FSTL4: variants seen among roughly 807,000 people sequenced by gnomAD.
FSTL4 encodes follistatin like 4.
A neutral mutation model predicts 78.2 loss-of-function variants in FSTL4; 28 were observed. The ratio of observed to expected loss-of-function variants is 0.36; its 90% CI spans 0.27 to 0.49. The LOEUF (loss-of-function observed/expected upper bound fraction) is 0.49. Ranked by LOEUF, FSTL4 falls within the 20% of genes least tolerant of loss-of-function variation. FSTL4 has a pLI of 0.98. For synonymous variants in FSTL4, 422 were observed against 440.5 expected, an observed-to-expected ratio of 0.96 and a Z score of 0.53; for missense variants, 922 against 1,084.9, an observed-to-expected ratio of 0.85 and a Z score of 2.11.
the FSTL4 span, among the ~76,000 whole-genome samples, chr5:133,638,817 A>AT: frequency 0.11 from 15,319 of 137,502 alleles, 834 homozygotes; most frequent in Admixed American, 0.17. Context: ...TTTGTAAATT[A>AT]CTTTTTTTTC....
chr5:133,553,180 G>A (rs956059232), intron 3 of FSTL4, among the ~76,000 whole-genome samples: 1 of 152,202 alleles, frequency 6.6e-6, no homozygotes, highest in Non-Finnish European at 1.5e-5. Flanking sequence ...GAGGGAGGAA[G>A]CCTAGGCTTG....
chr5:133,289,119 A>G (rs1189346420), intron 6 of FSTL4, among the ~76,000 whole-genome samples: 1 of 152,192 alleles, frequency 6.6e-6, no homozygotes, highest in Non-Finnish European at 1.5e-5. Flanking sequence ...AACTGGGATA[A>G]CAGTGGGAAC....
At chr5:133,606,920 A>G (rs1000402230) in intron 1 of FSTL4, among the ~76,000 whole-genome samples, 3 of 152,244 alleles carry the variant, frequency 2.0e-5, no homozygotes, top group African/African-American at 7.2e-5. Flanking sequence ...AAATCAGTTC[A>G]TAAGAGGATG....
At chr5:133,401,227 A>G (rs145171850) in intron 3 of FSTL4, among the ~76,000 whole-genome samples, 2,006 of 152,314 alleles carry the variant, frequency 0.013, 25 homozygotes, top group Non-Finnish European at 0.021. Flanking sequence ...CACTCTGAAC[A>G]TCTGAAACAC....
At chr5:133,701,509 A>ACACC in the FSTL4 span, among the ~76,000 whole-genome samples, 994 of 132,606 alleles carry the variant, frequency 7.5e-3, 12 homozygotes, top group African/African-American at 0.023. Context: ...ACACACACAC[A>ACACC]CCCCACAGGC....
chr5:133,700,825 A>G, the FSTL4 span, among the ~76,000 whole-genome samples: 6 of 152,338 alleles, frequency 3.9e-5, no homozygotes, highest in South Asian at 1.2e-3. Flanking sequence ...GAGTCTTTGA[A>G]GGGACCCAGG....
At chr5:133,732,590 G>C in the FSTL4 span, among the ~76,000 whole-genome samples, 51 of 152,204 alleles carry the variant, frequency 3.4e-4, no homozygotes, top group Admixed American at 1.2e-3. Flanking sequence ...CAGTACTGCT[G>C]ACTACCCCTT....
At chr5:133,565,323 A>G (rs1760003502) in intron 3 of FSTL4, among the ~76,000 whole-genome samples, 1 of 152,128 alleles carries the variant, frequency 6.6e-6, no homozygotes, top group African/African-American at 2.4e-5. Flanking sequence ...CAACCCCACA[A>G]CCCAAGTCAG....
At chr5:133,594,225 CTG>C (rs144815563) in intron 2 of FSTL4, among the ~76,000 whole-genome samples, 31,821 of 152,154 alleles carry the variant, frequency 0.21, 3,494 homozygotes, top group East Asian at 0.32. Flanking sequence ...CAGTCTCACT[CTG>C]TTGCCCAGGC....
chr5:133,632,186 A>C, the FSTL4 span, among the ~76,000 whole-genome samples: 1 of 152,194 alleles, frequency 6.6e-6, no homozygotes. Flanking sequence ...AACACTACAC[A>C]GTCTTACTAG....
At chr5:133,573,496 G>GA (rs1760205416) in intron 2 of FSTL4, among the ~76,000 whole-genome samples, 1 of 152,108 alleles carries the variant, frequency 6.6e-6, no homozygotes, top group South Asian at 2.1e-4. Context: ...TTCATAATTA[G>GA]AAAAGGAACA....
chr5:133,375,291 C>CATATATAT (rs3975738), intron 4 of FSTL4, among the ~76,000 whole-genome samples: 1,083 of 57,934 alleles, frequency 0.019, 101 homozygotes, highest in African/African-American at 0.044. Context: ...GTGTGCATGG[C>CATATATAT]ATATATATAT....
chr5:133,708,097 G>A, the FSTL4 span, among the ~76,000 whole-genome samples: 1 of 147,156 alleles, frequency 6.8e-6, no homozygotes, highest in Non-Finnish European at 1.5e-5. Flanking sequence ...GAGGGAAAGG[G>A]GGCAGGAAAG....
chr5:133,713,208 T>C, the FSTL4 span, among the ~76,000 whole-genome samples: 1 of 152,340 alleles, frequency 6.6e-6, no homozygotes, highest in Non-Finnish European at 1.5e-5. Context: ...TATGTTTACT[T>C]TTATATTTTA....
At chr5:133,698,841 C>T in the FSTL4 span, among the ~76,000 whole-genome samples, 47 of 152,356 alleles carry the variant, frequency 3.1e-4, no homozygotes, top group South Asian at 3.7e-3. Flanking sequence ...CTCGGGAGGC[C>T]GGGCAGTGGT....
At chr5:133,647,370 A>G in the FSTL4 span, among the ~76,000 whole-genome samples, 4 of 152,198 alleles carry the variant, frequency 2.6e-5, no homozygotes, top group African/African-American at 9.6e-5. Flanking sequence ...GATTATGAGA[A>G]AGTGGCCCTG....
intron 7 of FSTL4, among the ~76,000 whole-genome samples, chr5:133,239,002 G>A (rs1038762767): frequency 1.3e-5 from 2 of 152,218 alleles, no homozygotes; most frequent in Non-Finnish European, 1.5e-5. Context: ...AGGCGCGGGC[G>A]GGAACCGGGG....
chr5:133,405,116 A>G (rs6880355), intron 3 of FSTL4, among the ~76,000 whole-genome samples: 3,140 of 152,248 alleles, frequency 0.021, 97 homozygotes, highest in African/African-American at 0.07. Context: ...CCCTGCTCCC[A>G]TCTCAGCCAG....
At chr5:133,705,865 A>ACATG in the FSTL4 span, among the ~76,000 whole-genome samples, 168 of 133,120 alleles carry the variant, frequency 1.3e-3, no homozygotes, top group African/African-American at 5.1e-3. Context: ...GCGCACACAC[A>ACATG]CACGCACACA....
Sources: gnomAD v4.1 joint callset for allele counts (sites outside exome capture counted in the v4.1 genomes callset) on GRCh38, gnomAD v4.1.1 for gene constraint, MANE v1.5 for transcripts, NCBI Gene and HGNC (gene_info 2026-07-23, HGNC 2026-07-21) for gene names.